Variants in TICRR observed in about 807,000 individuals in gnomAD.
TICRR encodes treslin.
TICRR carries 132 observed loss-of-function variants against 178.1 expected under a neutral mutation model. That is an observed-to-expected ratio of 0.74 (90% CI 0.64 to 0.86). The LOEUF is 0.86. Among genes scored for constraint, TICRR ranks in the 40% least tolerant of loss-of-function variants. TICRR has a pLI of 0.00. For missense variants in TICRR, 2,587 were observed against 2,334.3 expected, an observed-to-expected ratio of 1.11 and a Z score of -2.23; for synonymous variants, 991 against 900.7, an observed-to-expected ratio of 1.10 and a Z score of -1.79.
In TICRR at chr15:89,592,476, A is replaced by G. The variant is rs945709178; in HGVS notation, c.1541+300A>G. On this transcript the variant is annotated intron_variant, in intron 5 of 21. Transcript: ENST00000268138. ...AGAAAATATTTATAACTAAGTATCA[A>G]TGCAAATAGAAAACAGCAAACTTGA... Among the ~76,000 whole-genome samples, 5 of 152,312 alleles carry G rather than the reference A, an allele frequency of 3.3e-5. No homozygotes were observed. The South Asian group carries it at 1.0e-3, about 32-fold the overall frequency.
chr15:89,614,342 T>G (rs932021112), intron 15 of TICRR, among the ~76,000 whole-genome samples: 9 of 147,160 alleles, frequency 6.1e-5, no homozygotes, highest in South Asian at 2.2e-4. Context: ...TGAGATGGAG[T>G]CTTGCTCTGT....
chr15:89,584,102 A>G (rs755869726), intron 2 of TICRR, among the ~76,000 whole-genome samples, 184 bp from the exon 3 acceptor site: 4 of 152,248 alleles, frequency 2.6e-5, no homozygotes, highest in Admixed American at 6.5e-5. Context: ...TGAACTTGCT[A>G]TGATGACTTG....
In TICRR at chr15:89,623,925, G is replaced by T; in HGVS notation, c.3615G>T (p.Gly1205=). ...TPKRQGTQPP[G]FLPNCTWPHS... ...AGAGGCAAGGTACTCAGCCGCCTGGGTTTTTGCCAAACTGTACTTGGCCAC... is the reference window on the plus strand; with the variant it reads ...AGAGGCAAGGTACTCAGCCGCCTGGTTTTTTGCCAAACTGTACTTGGCCAC... Residue 1205 remains glycine, a synonymous_variant, in exon 20 of 22, where the codon GGG becomes GGT. Transcript: ENST00000268138. 6.2e-7 allele frequency: 1 copy of T among 1,614,042 alleles called. No individual in the cohort carries two copies.
chr15:89,604,046 T>A (rs1337584092), intron 13 of TICRR, among the ~76,000 whole-genome samples: 2 of 151,862 alleles, frequency 1.3e-5, no homozygotes, highest in Non-Finnish European at 2.9e-5. Flanking sequence ...GAAAAAAAAA[T>A]AAACCTAGCT....
chr15:89,618,303 T>C, intron 17 of TICRR, 93 bp downstream of exon 17: 2 of 1,183,454 alleles, frequency 1.7e-6, no homozygotes, highest in South Asian at 1.2e-5. Flanking sequence ...TCCTAAGATA[T>C]TTTACAGAAA....
At position 89,625,955 on chromosome 15, in the gene TICRR, C is replaced by G; in HGVS notation, c.5496C>G (p.Ser1832Arg). 6.3e-7 allele frequency: 1 copy of G among 1,585,790 alleles called. No homozygotes were observed. Among genetic ancestry groups the G allele is most frequent in the Non-Finnish European group, 8.6e-7 (1 of 1,168,836 alleles). ...VFVSGSTPPP[S>R]CAVRSCLSAS... is the part of the protein sequence containing the mutation. ...CTTTAGGCTCCACCCCACCTCCCAG[C>G]TGTGCCGTGCGGAGCTGCCTCTCTG... is the stretch of plus-strand genomic sequence containing the variant. Residue 1832 changes from serine to arginine, a missense_variant, in exon 21 of 22, where the codon AGC (serine) becomes AGG (arginine). Transcript: ENST00000268138.
chr15:89,594,900 A>C (rs1962971224), intron 6 of TICRR, among the ~76,000 whole-genome samples: 1 of 152,198 alleles, frequency 6.6e-6, no homozygotes, highest in African/African-American at 2.4e-5. Context: ...GTTGTTGAAC[A>C]TTTAGATTGC....
At chr15:89,609,864 G>T (rs1409066555) in intron 15 of TICRR, among the ~76,000 whole-genome samples, 1 of 151,584 alleles carries the variant, frequency 6.6e-6, no homozygotes, top group Non-Finnish European at 1.5e-5. Context: ...TTAAGGTGAA[G>T]TTTAAGCTAT....
At position 89,595,429 on chromosome 15, in the gene TICRR, A is replaced by G. The variant is rs756660362; in HGVS notation, c.1718A>G (p.Asn573Ser). 2.0e-5 allele frequency: 32 copies of G among 1,613,990 alleles called. No homozygotes were observed. In the Admixed American group the frequency reaches 2.7e-4, roughly 13 times the overall value. ...VPRTPVRQKM[N>S]TMCRSLKMLN... ...CGTACTCCAGTGAGACAGAAGATGA[A>G]TACCATGTGCCGTTCCTTAAAGATG... Residue 573 changes from asparagine (N) to serine (S), a missense_variant, in exon 7 of 22, where the codon AAT (asparagine) becomes AGT (serine). Physicochemically the swap from Asn to Ser is conservative, Grantham distance 46 (BLOSUM62 1). Transcript: ENST00000268138.
chr15:89,585,151 A>G (rs1451512504), intron 3 of TICRR, among the ~76,000 whole-genome samples: 1 of 152,216 alleles, frequency 6.6e-6, no homozygotes, highest in African/African-American at 2.4e-5. Flanking sequence ...ATTCTAGAGA[A>G]AAATACGGTA....
intron 7 of TICRR, among the ~76,000 whole-genome samples, chr15:89,597,708 GAGTT>G (rs1963021945): frequency 1.3e-5 from 2 of 152,162 alleles, no homozygotes; most frequent in Admixed American, 1.3e-4. Flanking sequence ...ATTCAATATT[GAGTT>G]AGTTATTCTG....
At chr15:89,622,231 C>G (rs1262641054) in intron 19 of TICRR, among the ~76,000 whole-genome samples, 9 of 152,148 alleles carry the variant, frequency 5.9e-5, no homozygotes, top group Non-Finnish European at 4.4e-5. Context: ...AGTGATCCAC[C>G]TGCCTCAGCC....
chr15:89,575,558 CG>C lies in TICRR; in HGVS notation c.-25del. 1.4e-6 allele frequency: 2 copies of C among 1,446,288 alleles called. No homozygotes were observed. The highest frequency in any genetic ancestry group is 9.0e-7 in the Non-Finnish European group (1 of 1,107,472). 89.6% of individuals were successfully genotyped at this position (1,446,288 alleles called of 1,614,324 possible). ...AAGGGACGGTGGCGCGGGCCCGGACCGGGGCCCCGGGGCGGCGGCACGGCCG... is the reference window on the plus strand; with the variant it reads ...AAGGGACGGTGGCGCGGGCCCGGACCGGGCCCCGGGGCGGCGGCACGGCCG... On this transcript the variant is annotated 5_prime_UTR_variant, in exon 1 of 22. Transcript: ENST00000268138.
At position 89,625,412 on chromosome 15, in the gene TICRR, G is replaced by A. The variant is rs750971063; in HGVS notation, c.5102G>A (p.Gly1701Glu). Reference protein sequence around the residue: ...AVGCGAGSSSGRGEVGADLPG... With the variant: ...AVGCGAGSSSERGEVGADLPG... ...GGCTGTGGCGCCGGCTCCTCTTCCG[G>A]GAGGGGCGAGGTCGGTGCAGACCTT... The change falls in exon 20 of 22, where the codon GGG (glycine) becomes GAG (glutamate). Residue 1701 changes from glycine to glutamate, a missense_variant. Coordinates refer to ENST00000268138, the MANE Select transcript of TICRR (RefSeq NM_152259.4). 7 of 1,613,904 alleles carry A rather than the reference G, an allele frequency of 4.3e-6. No individual in the cohort carries two copies. The highest frequency in any genetic ancestry group is 5.1e-6 in the Non-Finnish European group (6 of 1,180,024).
chr15:89,590,776 A>G (rs905054654), intron 4 of TICRR, among the ~76,000 whole-genome samples: 5 of 152,214 alleles, frequency 3.3e-5, no homozygotes, highest in Admixed American at 3.3e-4. Flanking sequence ...TATGCATTGT[A>G]TTTATCTCTG....
rs769797543 is a variant in TICRR, at chr15:89,616,361, G to A, written c.2870-44G>A. The A allele has an allele frequency of 7.1e-6, 11 of 1,555,220 alleles. No individual in the cohort carries two copies. In the Admixed American group the frequency reaches 1.8e-4, roughly 26 times the overall value. Reference sequence around the variant, plus strand: ...CTTGGCCTTACTGCTGCTTCTTGATGAGGTTAAATGAAATTTATGATTTAA... The same window carrying A: ...CTTGGCCTTACTGCTGCTTCTTGATAAGGTTAAATGAAATTTATGATTTAA... On this transcript the variant is annotated intron_variant, in intron 15 of 21. Transcript: ENST00000268138.
intron 2 of TICRR, among the ~76,000 whole-genome samples, chr15:89,583,249 C>G (rs761095960): frequency 1.9e-4 from 29 of 152,122 alleles, no homozygotes; most frequent in Non-Finnish European, 3.1e-4. Context: ...TTCAGGTGCC[C>G]AAGCACATGG....
chr15:89,584,260 C>G, intron 2 of TICRR, 26 bp from the exon 3 acceptor site: 1 of 1,541,600 alleles, frequency 6.5e-7, no homozygotes, highest in Non-Finnish European at 8.7e-7. Flanking sequence ...ATTTGGCATC[C>G]TGGTCTAATT....
intron 1 of TICRR, among the ~76,000 whole-genome samples, chr15:89,576,800 G>GGT (rs1182485061): frequency 3.2e-4 from 16 of 50,264 alleles, no homozygotes; most frequent in South Asian, 2.6e-3. Flanking sequence ...AATACCCAGG[G>GGT]GTGTGTGTGT....
Sources: gnomAD v4.1 joint callset for allele counts (sites outside exome capture counted in the v4.1 genomes callset) on GRCh38, gnomAD v4.1.1 for gene constraint, MANE v1.5 for transcripts, NCBI Gene and HGNC (gene_info 2026-07-23, HGNC 2026-07-21) for gene names.